PHF20: variants seen among roughly 807,000 people sequenced by gnomAD.
The protein encoded by PHF20 is PHD finger protein 20.
PHF20 carries 23 observed loss-of-function variants against 113.5 expected under a neutral mutation model. The ratio of observed to expected loss-of-function variants is 0.20; its 90% CI spans 0.15 to 0.29. The LOEUF is 0.29. Among genes scored for constraint, PHF20 ranks in the 10% least tolerant of loss-of-function variants. PHF20 has a pLI of 1.00. For synonymous variants in PHF20, 434 were observed against 457.3 expected (o/e 0.95, Z 0.65); for missense variants, 943 against 1,219.6 (o/e 0.77, Z 3.38).
chr20:35,935,645 G>C (rs552575411), intron 15 of PHF20, among the ~76,000 whole-genome samples: 1 of 152,240 alleles, frequency 6.6e-6, no homozygotes, highest in Non-Finnish European at 1.5e-5. Flanking sequence ...GGGATTACAG[G>C]CATGAGCCAC....
At chr20:35,849,327 G>C (rs2042677406) in intron 4 of PHF20, 1 of 408,218 alleles carries the variant, frequency 2.4e-6, no homozygotes, top group East Asian at 7.1e-5. Context: ...AGGCAATGAA[G>C]GCTTAGTAAT....
chr20:35,817,727 C>T (rs902598810), intron 2 of PHF20, among the ~76,000 whole-genome samples: 6 of 152,002 alleles, frequency 3.9e-5, no homozygotes, highest in African/African-American at 1.2e-4. Context: ...GCCCGGGAAG[C>T]GGAGGTTGCA....
chr20:35,783,719 C>T (rs1010448774), intron 1 of PHF20, among the ~76,000 whole-genome samples: 1 of 151,830 alleles, frequency 6.6e-6, no homozygotes, highest in South Asian at 2.1e-4. Flanking sequence ...TGGTGCCTCA[C>T]TCCTGTAATC....
At chr20:35,930,416 G>A (rs896585192) in intron 14 of PHF20, among the ~76,000 whole-genome samples, 2 of 152,166 alleles carry the variant, frequency 1.3e-5, no homozygotes, top group East Asian at 1.9e-4. Context: ...TTGATAAGAC[G>A]ACTTGAGGCA....
chr20:35,869,670 G>A (rs6121074), intron 7 of PHF20, 119 bp downstream of exon 7: 1 of 694,720 alleles, frequency 1.4e-6, no homozygotes, highest in Non-Finnish European at 2.6e-6. Flanking sequence ...GGTCACATGA[G>A]GTAATGTGAG....
chr20:35,933,895 G>A (rs971675341), intron 15 of PHF20, among the ~76,000 whole-genome samples: 1 of 152,204 alleles, frequency 6.6e-6, no homozygotes, highest in South Asian at 2.1e-4. Flanking sequence ...CTTGAGTGGG[G>A]TAGGCCTCTT....
chr20:35,839,405 A>AT (rs2146932764), intron 2 of PHF20, among the ~76,000 whole-genome samples: 1 of 151,984 alleles, frequency 6.6e-6, no homozygotes, highest in Non-Finnish European at 1.5e-5. Context: ...AAAAAAAAAA[A>AT]AAAAAAGAAA....
chr20:35,839,322 C>T (rs1216409982), intron 2 of PHF20, among the ~76,000 whole-genome samples: 9 of 140,076 alleles, frequency 6.4e-5, no homozygotes, highest in African/African-American at 2.2e-4. Flanking sequence ...ACCCAGGAGG[C>T]GGAGCTTGCA....
intron 3 of PHF20, among the ~76,000 whole-genome samples, chr20:35,846,026 A>T (rs375226878): frequency 6.6e-6 from 1 of 151,942 alleles, no homozygotes; most frequent in African/African-American, 2.4e-5. Flanking sequence ...CAGCCTCCCA[A>T]AGTGCTGGGA....
chr20:35,878,435 A>G, intron 9 of PHF20: 1 of 515,368 alleles, frequency 1.9e-6, no homozygotes, highest in South Asian at 3.2e-5. Context: ...TGCTCTAGGG[A>G]GATTGTTTAA....
intron 1 of PHF20, among the ~76,000 whole-genome samples, chr20:35,789,218 C>T (rs540556613): frequency 6.6e-6 from 1 of 151,868 alleles, no homozygotes; most frequent in African/African-American, 2.4e-5. Context: ...GTCAGGAGTT[C>T]GAGACCACCC....
intron 9 of PHF20, 64 bp from the exon 10 acceptor site, chr20:35,899,306 T>C: frequency 7.3e-7 from 1 of 1,377,100 alleles, no homozygotes; most frequent in Non-Finnish European, 1.0e-6. Flanking sequence ...CATGTGTTAA[T>C]GCATGTTTTG....
At chr20:35,787,939 G>A (rs1439063167) in intron 1 of PHF20, among the ~76,000 whole-genome samples, 5 of 151,716 alleles carry the variant, frequency 3.3e-5, no homozygotes, top group Admixed American at 1.3e-4. Flanking sequence ...CACCACACCC[G>A]GCTAATTTCT....
At position 35,948,151 on chromosome 20, in the gene PHF20, C is replaced by G. The variant is rs1031692362; in HGVS notation, c.*524C>G. 1 of 158,088 alleles carries G rather than the reference C, an allele frequency of 6.3e-6. No individual in the cohort carries two copies. The highest frequency in any genetic ancestry group is 2.4e-5 in the African/African-American group (1 of 41,482). 9.8% of individuals were successfully genotyped at this position (158,088 alleles called of 1,614,324 possible). ...TTGGGAAAGAGCAGAGTCTTGGCTG[C>G]CCTGCTTTCTCCTTAGGACTCTTCA... On this transcript the variant is annotated 3_prime_UTR_variant, in exon 18 of 18. Transcript: ENST00000374012.
intron 13 of PHF20, among the ~76,000 whole-genome samples, chr20:35,920,345 A>T (rs550843767): frequency 2.6e-5 from 4 of 152,178 alleles, no homozygotes; most frequent in Non-Finnish European, 5.9e-5. Context: ...CTATGGATGT[A>T]CCACAGTCGT....
intron 9 of PHF20, among the ~76,000 whole-genome samples, chr20:35,879,384 G>A (rs546580950): frequency 1.6e-4 from 24 of 152,254 alleles, no homozygotes; most frequent in African/African-American, 5.5e-4. Flanking sequence ...TTATATTTTT[G>A]CTGTTGTTAT....
chr20:35,825,406 A>G (rs1301123638), intron 2 of PHF20, among the ~76,000 whole-genome samples: 1 of 152,058 alleles, frequency 6.6e-6, no homozygotes, highest in Non-Finnish European at 1.5e-5. Context: ...GAAAGAAGAT[A>G]AGGTATGAAA....
chr20:35,929,920 A>G (rs566523671), intron 14 of PHF20, among the ~76,000 whole-genome samples: 1 of 152,396 alleles, frequency 6.6e-6, no homozygotes, highest in African/African-American at 2.4e-5. Context: ...TAGTAAAGCC[A>G]GAAGTAGCTC....
At chr20:35,815,139 G>A in intron 2 of PHF20, among the ~76,000 whole-genome samples, 1 of 152,068 alleles carries the variant, frequency 6.6e-6, no homozygotes, top group East Asian at 1.9e-4. Flanking sequence ...AGAGGTTGCA[G>A]TGAGCTGAGA....
Sources: gnomAD v4.1 joint callset for allele counts (sites outside exome capture counted in the v4.1 genomes callset) on GRCh38, gnomAD v4.1.1 for gene constraint, MANE v1.5 for transcripts, NCBI Gene and HGNC (gene_info 2026-07-23, HGNC 2026-07-21) for gene names.